PARP1: variants seen among roughly 807,000 people sequenced by gnomAD.
The protein encoded by PARP1 is poly(ADP-ribose) polymerase 1.
PARP1 carries 44 observed loss-of-function variants against 118.7 expected under a neutral mutation model. The observed-to-expected ratio is 0.37, with a 90% CI of 0.29 to 0.48. The LOEUF (loss-of-function observed/expected upper bound fraction) is 0.48, where lower values mean the gene tolerates loss of function less well. PARP1 is among the 20% of genes least tolerant of loss of function. The probability of loss-of-function intolerance (pLI) is 0.99; values close to 1 mark genes in which losing one functional copy is unlikely to be tolerated. For synonymous variants in PARP1, 492 were observed against 483.2 expected (o/e 1.02, Z -0.24); for missense variants, 1,100 against 1,272.4 (o/e 0.86, Z 2.06).
chr1:226,388,779 A>T (rs771199635), intron 4 of PARP1, 24 bp from the exon 5 acceptor site: 215 of 1,560,810 alleles, frequency 1.4e-4, no homozygotes, highest in Non-Finnish European at 1.8e-4. Flanking sequence ...AGGATATGAG[A>T]GACAGCCAGA....
intron 14 of PARP1, 112 bp from the exon 15 acceptor site, chr1:226,370,629 T>C (rs1362235946): frequency 8.3e-6 from 7 of 841,306 alleles, no homozygotes; most frequent in Non-Finnish European, 1.4e-5. Flanking sequence ...GTCAGGAGCC[T>C]GCTGGGATTT....
In PARP1 at chr1:226,366,108, G is replaced by C. The variant is rs1001808527; in HGVS notation, c.2407-56C>G. 2.1e-5 allele frequency: 25 copies of C among 1,203,960 alleles called. No homozygotes were observed. In the East Asian group the frequency reaches 5.8e-4, roughly 28 times the overall value. The allele number at this position is 1,203,960 out of a possible 1,614,324, so 74.6% of individuals were successfully genotyped here. A position where few individuals can be genotyped will look rare whatever the true frequency, so the allele number is the denominator to read the frequency against. On this transcript the variant is annotated intron_variant, in intron 17 of 22. Coordinates refer to ENST00000366794, the MANE Select transcript of PARP1 (RefSeq NM_001618.4). ...AAAGAGACCCAGGAGAGCTACAGAGGAGGAATGCTCAGGCTCAGTCAATGC... is the reference window on the plus strand; with the variant it reads ...AAAGAGACCCAGGAGAGCTACAGAGCAGGAATGCTCAGGCTCAGTCAATGC...
intron 12 of PARP1, among the ~76,000 whole-genome samples, chr1:226,378,450 G>A (rs746020034): frequency 9.9e-5 from 15 of 151,526 alleles, no homozygotes; most frequent in Non-Finnish European, 1.9e-4. Context: ...TTACTAGGGA[G>A]TTTGAACATT....
Position 226,381,097 on chromosome 1 carries a change from T to C in PARP1, c.1271A>G (p.Asn424Ser), listed in dbSNP as rs147711929. 8.0e-5 allele frequency: 129 copies of C among 1,614,224 alleles called. 1 individual carries two copies. The African/African-American group carries it at 1.5e-3, about 18-fold the overall frequency. Residue 424 changes from asparagine (N) to serine (S), a missense_variant, in exon 9 of 23, where the codon AAC becomes AGC. Physicochemically the swap from Asn to Ser is conservative, Grantham distance 46 (BLOSUM62 1). This residue lies in a region of PARP1 where 948 missense variants were observed against 1,031.8 expected (regional missense o/e 0.92). Transcript: ENST00000366794. Reference protein sequence around the residue: ...KLGGKLTGTANKASLCISTKK... With the variant: ...KLGGKLTGTASKASLCISTKK... Reference sequence around the variant, plus strand: ...GGTGCTGATGCACAGGGAAGCCTTGTTGGCCGTCCCCGTCAACTTCCCCCC... The same window carrying C: ...GGTGCTGATGCACAGGGAAGCCTTGCTGGCCGTCCCCGTCAACTTCCCCCC...
Position 226,366,025 on chromosome 1 carries a change from C to T in PARP1, c.2434G>A (p.Glu812Lys), listed in dbSNP as rs761226300. The change falls in exon 18 of 23, where the codon GAG becomes AAG. Residue 812 changes from glutamate (E) to lysine (K), a missense_variant. By Grantham distance (56) the Glu-to-Lys change is moderately conservative. Transcript: ENST00000366794. ...TTCTTAACATACTTCCTGATGATCT[C>T]GGCTTCTTCAGAATCTCTGTCAACC... The part of the protein sequence containing the change: ...KVVDRDSEEA[E>K]IIRKYVKNTH... 2.7e-5 allele frequency: 43 copies of T among 1,613,214 alleles called. No individual in the cohort carries two copies. Among genetic ancestry groups the T allele is most frequent in the South Asian group, 4.4e-5 (4 of 91,060 alleles).
Position 226,364,081 on chromosome 1 carries a change from G to A in PARP1, c.2659-11C>T, listed in dbSNP as rs1664204794. The A allele has an allele frequency of 4.3e-6, 7 of 1,613,586 alleles. No individual in the cohort carries two copies. The highest frequency in any genetic ancestry group is 1.1e-5 in the South Asian group (1 of 91,052). On this transcript the variant is annotated splice_polypyrimidine_tract_variant and intron_variant, in intron 19 of 22. Transcript: ENST00000366794. ...AAACATGTAGCCTGTCTGGAAGGTC[G>A]GAAAAGGGAGAGCTGAGAATCTTCT... is the stretch of plus-strand genomic sequence containing the variant.
chr1:226,387,015 C>T (rs900225845), intron 5 of PARP1, among the ~76,000 whole-genome samples: 1 of 152,196 alleles, frequency 6.6e-6, no homozygotes, highest in South Asian at 2.1e-4. Flanking sequence ...TGGAGTCTCA[C>T]TCTGTTGCCC....
In PARP1 at chr1:226,407,996, G is replaced by C. The variant is rs1665187184; in HGVS notation, c.-67C>G. 3 of 1,601,492 alleles carry C rather than the reference G, an allele frequency of 1.9e-6. No individual in the cohort carries two copies. The highest frequency in any genetic ancestry group is 2.6e-6 in the Non-Finnish European group (3 of 1,175,486). ...CGACCTAGAAACACGCTGCCGCCTC[G>C]CCGCCTCGCGTGCGCTCACCCAGCC... On this transcript the variant is annotated 5_prime_UTR_variant, in exon 1 of 23. Coordinates refer to ENST00000366794, the MANE Select transcript of PARP1 (RefSeq NM_001618.4).
At chr1:226,365,203 C>T (rs1225012674) in intron 18 of PARP1, 49 bp from the exon 19 acceptor site, 1 of 1,595,196 alleles carries the variant, frequency 6.3e-7, no homozygotes, top group African/African-American at 1.3e-5. Flanking sequence ...CCATTTGTTA[C>T]TCTGGTTGAC....
chr1:226,391,385 A>C (rs976954028), intron 3 of PARP1, among the ~76,000 whole-genome samples: 15 of 152,150 alleles, frequency 9.9e-5, no homozygotes. Context: ...CCAGGTCCCC[A>C]GTCCCCAGGC....
At chr1:226,393,622 T>C (rs1664859092) in intron 2 of PARP1, among the ~76,000 whole-genome samples, 1 of 152,248 alleles carries the variant, frequency 6.6e-6, no homozygotes, top group Non-Finnish European at 1.5e-5. Context: ...GGGTATACAA[T>C]TCCTTTTCTT....
At chr1:226,402,681 C>T (rs370376711) in intron 1 of PARP1, among the ~76,000 whole-genome samples, 3 of 152,238 alleles carry the variant, frequency 2.0e-5, no homozygotes, top group African/African-American at 7.2e-5. Flanking sequence ...CTCTGCCCCA[C>T]GTCCCTTTTG....
At chr1:226,373,722 G>T (rs182629243) in intron 14 of PARP1, among the ~76,000 whole-genome samples, 3 of 152,256 alleles carry the variant, frequency 2.0e-5, no homozygotes, top group East Asian at 1.9e-4. Flanking sequence ...ACTCTAAGTG[G>T]GCTATCTTGC....
intron 5 of PARP1, among the ~76,000 whole-genome samples, chr1:226,388,040 G>A (rs1286920196): frequency 2.0e-5 from 3 of 152,158 alleles, no homozygotes; most frequent in Admixed American, 6.5e-5. Context: ...GAGACCAACT[G>A]TTCTCCCTCA....
At chr1:226,384,368 C>T (rs1214842005) in intron 7 of PARP1, among the ~76,000 whole-genome samples, 1 of 152,262 alleles carries the variant, frequency 6.6e-6, no homozygotes, top group Non-Finnish European at 1.5e-5. Context: ...CAGAGCTGGC[C>T]TTGATTCTGT....
At chr1:226,395,313 A>G (rs988141627) in intron 2 of PARP1, among the ~76,000 whole-genome samples, 1 of 152,210 alleles carries the variant, frequency 6.6e-6, no homozygotes, top group Non-Finnish European at 1.5e-5. Context: ...TCTGTAACAT[A>G]TATCTGTATA....
chr1:226,400,077 C>T (rs1326384504), intron 2 of PARP1, among the ~76,000 whole-genome samples: 3 of 152,060 alleles, frequency 2.0e-5, no homozygotes, highest in Non-Finnish European at 4.4e-5. Flanking sequence ...AAAAGGACCC[C>T]AAAATACAGA....
chr1:226,384,254 G>T (rs1006699361), intron 7 of PARP1, among the ~76,000 whole-genome samples: 2 of 152,202 alleles, frequency 1.3e-5, no homozygotes, highest in South Asian at 4.1e-4. Context: ...CAAGACTGGC[G>T]GTGGGGTGGG....
At chr1:226,392,138 G>A in intron 3 of PARP1, 61 bp downstream of exon 3, 1 of 1,091,922 alleles carries the variant, frequency 9.2e-7, no homozygotes, top group East Asian at 2.4e-5. Flanking sequence ...TCTTGAGATA[G>A]CCAATAACAT....
Sources: allele counts gnomAD v4.1 joint callset (sites outside exome capture counted in the v4.1 genomes callset), GRCh38; gene constraint gnomAD v4.1.1; regional missense constraint gnomAD v4.1.1; transcripts MANE v1.5; gene names NCBI Gene and HGNC (gene_info 2026-07-23, HGNC 2026-07-21).